ZNF483: variants seen among roughly 807,000 people sequenced by gnomAD.
ZNF483 encodes zinc finger protein 483.
A neutral mutation model predicts 28.6 loss-of-function variants in ZNF483; 9 were observed. The ratio of observed to expected loss-of-function variants is 0.32; its 90% CI spans 0.19 to 0.55. The LOEUF (loss-of-function observed/expected upper bound fraction) is 0.55, where lower values mean the gene tolerates loss of function less well. Ranked by LOEUF, ZNF483 falls within the 20% of genes least tolerant of loss-of-function variation. The pLI, the probability that ZNF483 is intolerant of heterozygous loss-of-function variation, is 0.93. For synonymous variants in ZNF483, 322 were observed against 306.2 expected (o/e 1.05, Z -0.54); for missense variants, 675 against 871.7 (o/e 0.77, Z 2.84).
rs1359172150 is a variant in ZNF483 at position 111,548,381 on chromosome 9, TTGAG to T, written c.*5213_*5216del. On this transcript the variant is annotated 3_prime_UTR_variant, in exon 6 of 6. Transcript: ENST00000309235. ...TTTGCCTCCTTGGTCAAGTTTATTC[TTGAG>T]TATTTTATGTTTTTGATGCTGTTGT... is the stretch of plus-strand genomic sequence containing the variant. Among the ~76,000 whole-genome samples, 1 of 152,226 alleles carries T rather than the reference TTGAG, an allele frequency of 6.6e-6. No individual in the cohort carries two copies. Among genetic ancestry groups the T allele is most frequent in the African/African-American group, 2.4e-5 (1 of 41,470 alleles).
intron 3 of ZNF483, among the ~76,000 whole-genome samples, chr9:111,531,340 A>G (rs771665005): frequency 5.3e-5 from 8 of 151,426 alleles, no homozygotes; most frequent in Non-Finnish European, 1.2e-4. Flanking sequence ...AGTTACCACT[A>G]TTAAAATTAG....
At chr9:111,540,751 T>C (rs960601203) in intron 5 of ZNF483, among the ~76,000 whole-genome samples, 5 of 152,164 alleles carry the variant, frequency 3.3e-5, no homozygotes, top group African/African-American at 9.7e-5. Context: ...ATTAGTGTTA[T>C]TTGTTTGCTT....
rs977853853 is a variant in ZNF483 at position 111,544,129 on chromosome 9, A to T, written c.*959A>T. ...AAGCCAGAGAGCTTGCACCTGAGCC[A>T]TCTCAGCCGTGAGAGTAACAGTCCT... On this transcript the variant is annotated 3_prime_UTR_variant, in exon 6 of 6. Coordinates refer to ENST00000309235, the MANE Select transcript of ZNF483 (RefSeq NM_133464.5). 3.0e-6 allele frequency: 3 copies of T among 985,316 alleles called. No homozygotes were observed. In the African/African-American group the frequency reaches 5.2e-5, roughly 17 times the overall value. 61.0% of individuals were successfully genotyped at this position (985,316 alleles called of 1,614,324 possible).
At position 111,554,076 on chromosome 9, in the gene ZNF483, A is replaced by G. The variant is rs1828049018; in HGVS notation, c.*10906A>G. 6.6e-6 allele frequency among the ~76,000 whole-genome samples: 1 copy of G among 152,238 alleles called. No individual in the cohort carries two copies. On this transcript the variant is annotated 3_prime_UTR_variant, in exon 6 of 6. Transcript: ENST00000309235. ...TTCAAACTCGGTGCCAAGGTTTCCC[A>G]TTCCACTCTAGAGATCTCACACAGG... is the stretch of plus-strand genomic sequence containing the variant.
At chr9:111,530,030 A>G (rs1035378233) in intron 2 of ZNF483, among the ~76,000 whole-genome samples, 1 of 152,174 alleles carries the variant, frequency 6.6e-6, no homozygotes, top group Non-Finnish European at 1.5e-5. Context: ...TGATTTTTGG[A>G]AAGTCCTTAG....
chr9:111,536,142 T>C (rs1490627777), intron 5 of ZNF483, among the ~76,000 whole-genome samples: 1 of 149,394 alleles, frequency 6.7e-6, no homozygotes, highest in Non-Finnish European at 1.5e-5. Context: ...CCACCCGCCT[T>C]GGCCTCTCAA....
chr9:111,561,108 T>TAGAG (rs1468727296), intron 5 of ZNF483, among the ~76,000 whole-genome samples: 487 of 20,836 alleles, frequency 0.023, 57 homozygotes, highest in Non-Finnish European at 0.029. Flanking sequence ...TATATATATA[T>TAGAG]ATAGAGAGAG....
In ZNF483 at chr9:111,544,337, GGTGTGTGTGCATGTGTGTGTGTGT is replaced by G. The variant is rs1827752972; in HGVS notation, c.*1177_*1200del. 2.1e-6 allele frequency: 2 copies of G among 971,898 alleles called. No individual in the cohort carries two copies. The highest frequency in any genetic ancestry group is 1.3e-4 in the Admixed American group (2 of 14,836). 60.2% of individuals were successfully genotyped at this position (971,898 alleles called of 1,614,324 possible). A position where few individuals can be genotyped will look rare whatever the true frequency, so the allele number is the denominator to read the frequency against. On this transcript the variant is annotated 3_prime_UTR_variant, in exon 6 of 6. Coordinates refer to ENST00000309235, the MANE Select transcript of ZNF483 (RefSeq NM_133464.5). ...AAAAGCTGTTATAACAATTTGCTTG[GGTGTGTGTGCATGTGTGTGTGTGT>G]GTGTGTGTGTGTATACATTGTTGCC...
intron 5 of ZNF483, among the ~76,000 whole-genome samples, chr9:111,576,018 G>A (rs1829037767): frequency 6.6e-6 from 1 of 152,056 alleles, no homozygotes; most frequent in Non-Finnish European, 1.5e-5. Context: ...AAATTAGCTG[G>A]GTATGATGGT....
In ZNF483 at chr9:111,554,797, C is replaced by G. The variant is rs980004173; in HGVS notation, c.*11627C>G. Among the ~76,000 whole-genome samples the G allele has an allele frequency of 1.1e-4, 17 of 152,232 alleles. No individual in the cohort carries two copies. The highest frequency in any genetic ancestry group is 3.4e-3 in the Middle Eastern group (1 of 294). On this transcript the variant is annotated 3_prime_UTR_variant, in exon 6 of 6. Coordinates refer to ENST00000309235, the MANE Select transcript of ZNF483 (RefSeq NM_133464.5). ...GTAACTGAAACCACGGAAAGTGAAA[C>G]TTTGAATAAGGGGAGACCACTGTAT...
At chr9:111,534,164 T>A (rs1272726776) in intron 4 of ZNF483, 97 bp from the exon 5 acceptor site, 1 of 1,101,324 alleles carries the variant, frequency 9.1e-7, no homozygotes, top group Non-Finnish European at 1.3e-6. Flanking sequence ...GGTAGCATGT[T>A]TTTATCTTCC....
intron 5 of ZNF483, among the ~76,000 whole-genome samples, chr9:111,573,409 G>GC (rs907692477): frequency 6.6e-6 from 1 of 152,054 alleles, no homozygotes. Context: ...TTCCTTTCTA[G>GC]CCCCCCCATC....
intron 5 of ZNF483, chr9:111,539,647 A>G: frequency 4.0e-6 from 1 of 252,560 alleles, no homozygotes; most frequent in South Asian, 3.8e-5. Context: ...CCTGTAATCC[A>G]GGCTACTTGG....
rs1176678094 is a variant in ZNF483, at chr9:111,550,704, C to CT, written c.*7537dup. Reference sequence around the variant, plus strand: ...CCTGCTTTCTTGAAGATTTCTTCAACTTTATCTTCCAGCTCTACTATTAAA... The same window carrying CT: ...CCTGCTTTCTTGAAGATTTCTTCAACTTTTATCTTCCAGCTCTACTATTAAA... On this transcript the variant is annotated 3_prime_UTR_variant, in exon 6 of 6. Transcript: ENST00000309235. Among the ~76,000 whole-genome samples, 2 of 152,190 alleles carry CT rather than the reference C, an allele frequency of 1.3e-5. No individual in the cohort carries two copies. Among genetic ancestry groups the CT allele is most frequent in the African/African-American group, 2.4e-5 (1 of 41,444 alleles).
At chr9:111,572,063 G>C (rs1828842275) in intron 5 of ZNF483, among the ~76,000 whole-genome samples, 1 of 152,200 alleles carries the variant, frequency 6.6e-6, no homozygotes, top group Non-Finnish European at 1.5e-5. Flanking sequence ...GAAGATGCCT[G>C]GTGTGCTAAG....
In ZNF483 at chr9:111,544,648, G is replaced by A. The variant is rs1459467342; in HGVS notation, c.*1478G>A. On this transcript the variant is annotated 3_prime_UTR_variant, in exon 6 of 6. Coordinates refer to ENST00000309235, the MANE Select transcript of ZNF483 (RefSeq NM_133464.5). ...CCCTAAAATCTAAAGAGACTGCACT[G>A]ATAGCAAGTAAAGTTCAGGGAATGA... 6.6e-6 allele frequency among the ~76,000 whole-genome samples: 1 copy of A among 152,058 alleles called. No homozygotes were observed. The highest frequency in any genetic ancestry group is 1.5e-5 in the Non-Finnish European group (1 of 68,004).
At chr9:111,528,074 T>C (rs1463962795) in intron 2 of ZNF483, 2 of 1,359,768 alleles carry the variant, frequency 1.5e-6, no homozygotes, top group East Asian at 2.5e-5. Context: ...TAATATATGG[T>C]GGATGCTCAA....
intron 5 of ZNF483, among the ~76,000 whole-genome samples, chr9:111,541,158 C>T (rs994053564): frequency 8.8e-5 from 13 of 147,956 alleles, no homozygotes; most frequent in African/African-American, 2.3e-4. Context: ...GCCACAATCT[C>T]GGCTCCCTGT....
Position 111,546,330 on chromosome 9 carries a change from C to T in ZNF483, c.*3160C>T, listed in dbSNP as rs948404699. Among the ~76,000 whole-genome samples the T allele has an allele frequency of 1.3e-5, 2 of 152,104 alleles. No individual in the cohort carries two copies. Among genetic ancestry groups the T allele is most frequent in the African/African-American group, 2.4e-5 (1 of 41,422 alleles). ...CTTTCTAAATACCATGTACTAGCTA[C>T]AGAGAGCAGCCCAAACTCTGTTGGA... On this transcript the variant is annotated 3_prime_UTR_variant, in exon 6 of 6. Coordinates refer to ENST00000309235, the MANE Select transcript of ZNF483 (RefSeq NM_133464.5).
Sources: allele counts gnomAD v4.1 joint callset (sites outside exome capture counted in the v4.1 genomes callset), GRCh38; gene constraint gnomAD v4.1.1; transcripts MANE v1.5; gene names NCBI Gene and HGNC (gene_info 2026-07-23, HGNC 2026-07-21).